ZMIZ1: variants seen among roughly 807,000 people sequenced by gnomAD.
ZMIZ1 encodes zinc finger MIZ domain-containing protein 1.
ZMIZ1 carries 17 observed loss-of-function variants against 113.9 expected under a neutral mutation model. That is an observed-to-expected ratio of 0.15 (90% CI 0.10 to 0.22). The LOEUF (loss-of-function observed/expected upper bound fraction) is 0.22. Ranked by LOEUF, ZMIZ1 falls within the 10% of genes least tolerant of loss-of-function variation. ZMIZ1 has a pLI of 1.00. For missense variants in ZMIZ1, 1,059 were observed against 1,477.8 expected (o/e 0.72, Z 4.65); for synonymous variants, 607 against 603.1 (o/e 1.01, Z -0.09).
chr10:79,075,011 T>C (rs1294647852), intron 1 of ZMIZ1, among the ~76,000 whole-genome samples: 2 of 152,234 alleles, frequency 1.3e-5, no homozygotes, highest in Admixed American at 6.5e-5. Context: ...CCCCTAATCC[T>C]GTTAGTCTGG....
At chr10:79,285,437 C>T (rs1335433971) in intron 8 of ZMIZ1, 2 of 455,540 alleles carry the variant, frequency 4.4e-6, no homozygotes, top group Non-Finnish European at 8.8e-6. Flanking sequence ...GGGGCTGAAT[C>T]AGCCCCATTT....
At chr10:79,112,040 G>A (rs1843767071) in intron 1 of ZMIZ1, among the ~76,000 whole-genome samples, 1 of 152,270 alleles carries the variant, frequency 6.6e-6, no homozygotes, top group South Asian at 2.1e-4. Context: ...GGAACGCTGA[G>A]TGATTGTGGT....
At chr10:79,307,144 C>T (rs1364613436) in intron 22 of ZMIZ1, among the ~76,000 whole-genome samples, 1 of 152,082 alleles carries the variant, frequency 6.6e-6, no homozygotes, top group Admixed American at 6.5e-5. Flanking sequence ...CCCACAGGAG[C>T]CTGGCCCGCC....
At chr10:79,252,278 A>C (rs1454810115) in intron 7 of ZMIZ1, among the ~76,000 whole-genome samples, 1 of 150,886 alleles carries the variant, frequency 6.6e-6, no homozygotes, top group African/African-American at 2.4e-5. Flanking sequence ...ATCCTCTCAG[A>C]GCTTTACATG....
intron 2 of ZMIZ1, among the ~76,000 whole-genome samples, chr10:79,135,945 C>A (rs1001003585): frequency 2.6e-5 from 4 of 152,192 alleles, no homozygotes; most frequent in African/African-American, 9.7e-5. Context: ...CTCATCAGCC[C>A]CTTTATCGCC....
At position 79,197,344 on chromosome 10, in the gene ZMIZ1, C is replaced by G. The variant is rs985665581; in HGVS notation, c.-49-4240C>G. ...GGGAGACCACCAGGGTCCTTTGGCTCTGATGGGGCCTGGCACCAGGAACTG... is the reference window on the plus strand; with the variant it reads ...GGGAGACCACCAGGGTCCTTTGGCTGTGATGGGGCCTGGCACCAGGAACTG... On this transcript the variant is annotated intron_variant, in intron 4 of 24. Coordinates refer to ENST00000334512, the MANE Select transcript of ZMIZ1 (RefSeq NM_020338.4). 2.0e-5 allele frequency among the ~76,000 whole-genome samples: 3 copies of G among 152,182 alleles called. No homozygotes were observed. In the East Asian group the frequency reaches 5.8e-4, roughly 29 times the overall value.
chr10:79,238,880 G>C lies in ZMIZ1; in HGVS notation c.280+22606G>C, dbSNP rs73302192. ...TGGAAGTGTGCCTGCCAACCAGCAA[G>C]CTCTCAGTAACCATGAGCTGCTTAT... On this transcript the variant is annotated intron_variant, in intron 7 of 24. Coordinates refer to ENST00000334512, the MANE Select transcript of ZMIZ1 (RefSeq NM_020338.4). Among the ~76,000 whole-genome samples the C allele has an allele frequency of 6.3e-3, 955 of 152,312 alleles. 13 individuals are homozygous for C. The highest frequency in any genetic ancestry group is 0.022 in the African/African-American group (912 of 41,564).
intron 1 of ZMIZ1, among the ~76,000 whole-genome samples, chr10:79,114,053 C>A (rs1185488039): frequency 1.3e-5 from 2 of 152,192 alleles, no homozygotes; most frequent in Admixed American, 6.5e-5. Context: ...ACTCCTACCC[C>A]CGATCCCCTC....
chr10:79,254,880 C>A (rs890345736), intron 7 of ZMIZ1, among the ~76,000 whole-genome samples: 1 of 152,190 alleles, frequency 6.6e-6, no homozygotes, highest in African/African-American at 2.4e-5. Context: ...GCACATTGCC[C>A]GATGGCCCCC....
chr10:79,234,118 G>A (rs1381696518), intron 7 of ZMIZ1, among the ~76,000 whole-genome samples: 1 of 152,178 alleles, frequency 6.6e-6, no homozygotes, highest in Admixed American at 6.5e-5. Context: ...GCGAAAGAAC[G>A]TTTTAGACAA....
intron 1 of ZMIZ1, among the ~76,000 whole-genome samples, chr10:79,105,251 T>C (rs1485231668): frequency 1.3e-5 from 2 of 152,184 alleles, no homozygotes; most frequent in African/African-American, 2.4e-5. Flanking sequence ...GCGACTCTGC[T>C]CTGCCTAAGT....
chr10:79,226,608 C>A (rs917356022), intron 7 of ZMIZ1, among the ~76,000 whole-genome samples: 1 of 152,226 alleles, frequency 6.6e-6, no homozygotes, highest in Non-Finnish European at 1.5e-5. Context: ...TGGAGCTTAG[C>A]ATTCTCGCCC....
intron 5 of ZMIZ1, among the ~76,000 whole-genome samples, chr10:79,205,539 G>T (rs953058394): frequency 6.6e-6 from 1 of 152,214 alleles, no homozygotes; most frequent in African/African-American, 2.4e-5. Flanking sequence ...AACAGCAGTA[G>T]CAGTCTTTCC....
At chr10:79,292,007 T>G (rs1451408433) in intron 10 of ZMIZ1, 151 bp from the exon 11 acceptor site, 2 of 809,116 alleles carry the variant, frequency 2.5e-6, no homozygotes, top group African/African-American at 3.4e-5. Context: ...CGTTGCCAAG[T>G]GGCACAAATG....
chr10:79,239,715 G>T (rs1469044154), intron 7 of ZMIZ1, among the ~76,000 whole-genome samples: 1 of 152,130 alleles, frequency 6.6e-6, no homozygotes, highest in Non-Finnish European at 1.5e-5. Context: ...TATACAGGAG[G>T]TGACCCAGCC....
chr10:79,205,438 G>A (rs1473214145), intron 5 of ZMIZ1, among the ~76,000 whole-genome samples: 2 of 152,228 alleles, frequency 1.3e-5, no homozygotes, highest in Non-Finnish European at 2.9e-5. Flanking sequence ...CCTTGTGCCA[G>A]CCTTTGGGGT....
At chr10:79,071,770 C>T (rs1695985723) in intron 1 of ZMIZ1, among the ~76,000 whole-genome samples, 1 of 152,130 alleles carries the variant, frequency 6.6e-6, no homozygotes, top group Non-Finnish European at 1.5e-5. Flanking sequence ...CTACAGAGCA[C>T]GTGTGAGTTG....
intron 7 of ZMIZ1, among the ~76,000 whole-genome samples, chr10:79,240,105 T>C (rs1040382335): frequency 6.6e-6 from 1 of 152,216 alleles, no homozygotes; most frequent in Non-Finnish European, 1.5e-5. Flanking sequence ...CCACCCGCTA[T>C]TGATCCTCGC....
intron 3 of ZMIZ1, among the ~76,000 whole-genome samples, chr10:79,146,942 G>A (rs1309059972): frequency 1.3e-5 from 1 of 79,232 alleles, no homozygotes; most frequent in African/African-American, 5.8e-5. Flanking sequence ...TGTGTGTAGT[G>A]TACGTGTGTG....
Sources: gnomAD v4.1 joint callset for allele counts (sites outside exome capture counted in the v4.1 genomes callset) on GRCh38, gnomAD v4.1.1 for gene constraint, MANE v1.5 for transcripts, NCBI Gene and HGNC (gene_info 2026-07-23, HGNC 2026-07-21) for gene names.